The following ACER3 variants were observed in gnomAD, a reference collection of about 807,000 sequenced individuals.
ACER3 encodes alkaline ceramidase 3.
In ACER3, 16 loss-of-function variants were observed where a neutral mutation model predicts 48.9. That is an observed-to-expected ratio of 0.33 (90% CI 0.22 to 0.50). The LOEUF (loss-of-function observed/expected upper bound fraction) is 0.50, where lower values mean the gene tolerates loss of function less well. ACER3 is among the 20% of genes least tolerant of loss of function. The pLI is 0.98. For missense variants in ACER3, 227 were observed against 326.0 expected (o/e 0.70, Z 2.34); for synonymous variants, 109 against 107.8 (o/e 1.01, Z -0.07).
chr11:76,990,487 C>A, intron 5 of ACER3, 52 bp from the exon 6 acceptor site: 6 of 962,500 alleles, frequency 6.2e-6, no homozygotes, highest in East Asian at 2.7e-5. Context: ...GTCGGTTTTT[C>A]CCCCCTTCAT....
intron 1 of ACER3, among the ~76,000 whole-genome samples, chr11:76,891,396 T>C (rs938809): frequency 0.57 from 87,266 of 151,780 alleles, 28,345 homozygotes; most frequent in Non-Finnish European, 0.74. Flanking sequence ...TCTCTCATCT[T>C]CTGCTGCCCT....
intron 1 of ACER3, among the ~76,000 whole-genome samples, chr11:76,923,287 T>A (rs1946733441): frequency 6.6e-6 from 1 of 152,186 alleles, no homozygotes; most frequent in African/African-American, 2.4e-5. Context: ...TAACATATCC[T>A]TCACCTCCAA....
chr11:77,010,823 T>C (rs1014785394), intron 7 of ACER3, among the ~76,000 whole-genome samples: 1 of 152,194 alleles, frequency 6.6e-6, no homozygotes, highest in Non-Finnish European at 1.5e-5. Flanking sequence ...AGAAGACCAA[T>C]GCCTTCAAAT....
intron 1 of ACER3, among the ~76,000 whole-genome samples, chr11:76,864,967 G>A (rs1008932233): frequency 2.1e-5 from 3 of 144,258 alleles, no homozygotes; most frequent in Non-Finnish European, 4.5e-5. Context: ...ACTAATGAGG[G>A]CCAACAGGTT....
chr11:76,911,662 C>T (rs1326999342), intron 1 of ACER3, among the ~76,000 whole-genome samples: 8 of 152,172 alleles, frequency 5.3e-5, no homozygotes, highest in African/African-American at 1.7e-4. Flanking sequence ...TACTATCTGC[C>T]TCATCTGCCT....
chr11:76,967,239 C>A (rs372669991), intron 3 of ACER3, among the ~76,000 whole-genome samples: 1 of 152,032 alleles, frequency 6.6e-6, no homozygotes, highest in Non-Finnish European at 1.5e-5. Flanking sequence ...ACACATACAC[C>A]CTCCCAAGAC....
chr11:76,903,524 G>A (rs765803163), intron 1 of ACER3, among the ~76,000 whole-genome samples: 2 of 135,784 alleles, frequency 1.5e-5, no homozygotes, highest in Non-Finnish European at 3.0e-5. Context: ...TGAAAAACTG[G>A]TTCAGGCCAT....
chr11:76,922,060 T>C (rs935810170), intron 1 of ACER3, among the ~76,000 whole-genome samples: 2 of 152,150 alleles, frequency 1.3e-5, no homozygotes, highest in Non-Finnish European at 1.5e-5. Flanking sequence ...TCTTTCCATT[T>C]TTACCTCTGA....
chr11:76,882,657 C>A (rs771353982), intron 1 of ACER3, among the ~76,000 whole-genome samples: 1 of 152,138 alleles, frequency 6.6e-6, no homozygotes, highest in Non-Finnish European at 1.5e-5. Flanking sequence ...GAATAAGAAC[C>A]ATTTTCCTGG....
chr11:76,942,020 T>C (rs1947353685), intron 2 of ACER3, among the ~76,000 whole-genome samples: 1 of 152,158 alleles, frequency 6.6e-6, no homozygotes, highest in Admixed American at 6.5e-5. Flanking sequence ...TGATTTTGTA[T>C]CCTGAAACTT....
At position 76,926,564 on chromosome 11, in the gene ACER3, A is replaced by G. The variant is rs1590940414; in HGVS notation, c.111A>G (p.Thr37=). 6.3e-7 allele frequency: 1 copy of G among 1,597,776 alleles called. No homozygotes were observed. Among genetic ancestry groups the G allele is most frequent in the Non-Finnish European group, 8.6e-7 (1 of 1,166,890 alleles). ...TATATTTTTCTCTTAAAGGGAATAC[A>G]GTGAGTAACCTGATCATGATTATAC... ...VTWYIAEFWN[T]VSNLIMIIPP... The change falls in exon 2 of 11, where the codon ACA becomes ACG. Residue 37 remains threonine (T), a synonymous_variant. Transcript: ENST00000532485.
chr11:76,963,360 G>A (rs1027655858), intron 3 of ACER3, among the ~76,000 whole-genome samples: 2 of 151,466 alleles, frequency 1.3e-5, no homozygotes, highest in African/African-American at 4.9e-5. Context: ...GCAGTTTCTT[G>A]TGAAAGCTTT....
At chr11:76,964,019 G>A (rs921631750) in intron 3 of ACER3, among the ~76,000 whole-genome samples, 15 of 151,436 alleles carry the variant, frequency 9.9e-5, no homozygotes, top group African/African-American at 2.5e-4. Flanking sequence ...GCGAGGCATC[G>A]CCTCACCCAG....
intron 1 of ACER3, among the ~76,000 whole-genome samples, chr11:76,878,979 T>G (rs183173652): frequency 1.2e-3 from 176 of 152,240 alleles, no homozygotes; most frequent in Non-Finnish European, 1.9e-3. Flanking sequence ...GTGAAGTATC[T>G]TTTCAAATCT....
chr11:76,960,471 CTCTA>C (rs1419583068), intron 3 of ACER3, among the ~76,000 whole-genome samples: 3 of 151,870 alleles, frequency 2.0e-5, no homozygotes, highest in African/African-American at 7.3e-5. Flanking sequence ...CTACTTCTCT[CTCTA>C]TATATAATCA....
At chr11:76,989,987 G>A (rs562823840) in intron 5 of ACER3, among the ~76,000 whole-genome samples, 3 of 152,316 alleles carry the variant, frequency 2.0e-5, no homozygotes, top group South Asian at 2.1e-4. Context: ...TAAGAAATTT[G>A]TTTTAAATGT....
intron 1 of ACER3, among the ~76,000 whole-genome samples, chr11:76,911,355 G>C (rs1400896622): frequency 2.0e-5 from 3 of 152,106 alleles, no homozygotes; most frequent in Admixed American, 6.6e-5. Flanking sequence ...GCAAACTGTC[G>C]TGGCACTGGT....
At chr11:76,956,007 A>G (rs1947830750) in intron 2 of ACER3, among the ~76,000 whole-genome samples, 1 of 152,222 alleles carries the variant, frequency 6.6e-6, no homozygotes, top group Non-Finnish European at 1.5e-5. Flanking sequence ...AAATCTGTAC[A>G]GACAAAGTAG....
At chr11:76,916,661 A>C (rs544070440) in intron 1 of ACER3, among the ~76,000 whole-genome samples, 3 of 152,218 alleles carry the variant, frequency 2.0e-5, no homozygotes, top group Admixed American at 2.0e-4. Flanking sequence ...AGGGATTATC[A>C]AAATAACCAT....
Sources: allele counts gnomAD v4.1 joint callset (sites outside exome capture counted in the v4.1 genomes callset), GRCh38; gene constraint gnomAD v4.1.1; transcripts MANE v1.5; gene names NCBI Gene and HGNC (gene_info 2026-07-23, HGNC 2026-07-21).